The following SYNJ1 variants were observed in gnomAD, a reference collection of about 807,000 sequenced individuals.
SYNJ1 encodes polyphosphatidylinositol phosphatase SYNJ1.
A neutral mutation model predicts 168.2 loss-of-function variants in SYNJ1; 78 were observed. That is an observed-to-expected ratio of 0.46 (90% CI 0.39 to 0.56). The LOEUF (loss-of-function observed/expected upper bound fraction) is 0.56. Ranked by LOEUF, SYNJ1 falls within the 20% of genes least tolerant of loss-of-function variation. SYNJ1 has a pLI of 0.00. For synonymous variants in SYNJ1, 539 were observed against 548.6 expected (o/e 0.98, Z 0.24); for missense variants, 1,303 against 1,597.6 (o/e 0.82, Z 3.14).
intron 22 of SYNJ1, among the ~76,000 whole-genome samples, chr21:32,652,374 T>C (rs2040304597): frequency 6.6e-6 from 1 of 152,176 alleles, no homozygotes; most frequent in African/African-American, 2.4e-5. Flanking sequence ...CTACTTCTTG[T>C]ATTTTTAGTA....
Position 32,699,825 on chromosome 21 carries a change from A to T in SYNJ1, c.479+13T>A, listed in dbSNP as rs1684291610. ...TATGTCCCAAATCACCAAAAGGGAAAAAATGAACTCACCAGAAAAATCTAT... is the reference window on the plus strand; with the variant it reads ...TATGTCCCAAATCACCAAAAGGGAATAAATGAACTCACCAGAAAAATCTAT... On this transcript the variant is annotated intron_variant, in intron 4 of 32. Coordinates refer to ENST00000674351, the MANE Select transcript of SYNJ1 (RefSeq NM_203446.3). 1 of 1,603,192 alleles carries T rather than the reference A, an allele frequency of 6.2e-7. No homozygotes were observed. Among genetic ancestry groups the T allele is most frequent in the Non-Finnish European group, 8.5e-7 (1 of 1,174,796 alleles).
intron 22 of SYNJ1, among the ~76,000 whole-genome samples, chr21:32,651,316 T>C (rs62214741): frequency 6.2e-4 from 94 of 152,352 alleles, no homozygotes; most frequent in Admixed American, 1.9e-3. Context: ...GTTGGCACCT[T>C]TGTGGGTACA....
At chr21:32,657,260 C>T in intron 19 of SYNJ1, 140 bp from the exon 20 acceptor site, 1 of 622,604 alleles carries the variant, frequency 1.6e-6, no homozygotes, top group Non-Finnish European at 2.8e-6. Context: ...AATAGGCAGG[C>T]AGTCTAAATA....
At chr21:32,707,743 T>C (rs1017952732) in intron 2 of SYNJ1, among the ~76,000 whole-genome samples, 2 of 152,188 alleles carry the variant, frequency 1.3e-5, no homozygotes, top group Non-Finnish European at 2.9e-5. Flanking sequence ...AATGGAAAGG[T>C]TGTGCATTAA....
intron 31 of SYNJ1, among the ~76,000 whole-genome samples, chr21:32,636,097 G>A (rs1401682007): frequency 6.6e-6 from 1 of 152,158 alleles, no homozygotes; most frequent in African/African-American, 2.4e-5. Flanking sequence ...GTGGACAGGA[G>A]ATCAGGAATA....
In SYNJ1 at chr21:32,699,880, T is replaced by A; in HGVS notation, c.437A>T (p.His146Leu). The change falls in exon 4 of 33, where the codon CAT (histidine) becomes CTT (leucine). Residue 146 changes from histidine (H) to leucine (L), a missense_variant. Transcript: ENST00000674351. ...GISLDLSLNAHRSMQEQTTDN... is the reference protein window; with the variant it reads ...GISLDLSLNALRSMQEQTTDN... ...AGTTGTCTGTTCTTGCATGCTACGA[T>A]GCGCATTAAGACTCAAATCTAAACT... 1 of 1,614,122 alleles carries A rather than the reference T, an allele frequency of 6.2e-7. No individual in the cohort carries two copies. The highest frequency in any genetic ancestry group is 8.5e-7 in the Non-Finnish European group (1 of 1,180,004).
At chr21:32,633,292 C>A (rs780484978) in intron 32 of SYNJ1, among the ~76,000 whole-genome samples, 2 of 152,092 alleles carry the variant, frequency 1.3e-5, no homozygotes, top group African/African-American at 4.8e-5. Context: ...TTCACTCCTG[C>A]CCTAAATCCC....
upstream of SYNJ1, chr21:32,728,156 C>A: frequency 7.9e-7 from 1 of 1,270,844 alleles, no homozygotes; most frequent in Non-Finnish European, 1.0e-6. Flanking sequence ...GCGGGCGGCC[C>A]CAGCCTCAGT....
In SYNJ1 at chr21:32,666,461, T is replaced by TA; in HGVS notation, c.1923dup (p.Ile642TyrfsTer15). On this transcript the variant is annotated frameshift_variant, in exon 16 of 33. Transcript: ENST00000674351. LOFTEE classifies it high-confidence loss of function. Reference sequence around the variant, plus strand: ...ATAAAAGGAGCATGCTGTGGTCTGATAAAAACAAACAAACAGACGCCCACC... The same window carrying TA: ...ATAAAAGGAGCATGCTGTGGTCTGATAAAAAACAAACAAACAGACGCCCACC... 6.2e-7 allele frequency: 1 copy of TA among 1,614,056 alleles called. No individual in the cohort carries two copies. The highest frequency in any genetic ancestry group is 8.5e-7 in the Non-Finnish European group (1 of 1,179,970).
chr21:32,725,584 T>C (rs541087470), intron 2 of SYNJ1, among the ~76,000 whole-genome samples: 1 of 152,216 alleles, frequency 6.6e-6, no homozygotes, highest in East Asian at 1.9e-4. Flanking sequence ...CCCATCAAGA[T>C]GCAATTATAC....
chr21:32,689,033 TAAAC>T (rs1003169747), intron 6 of SYNJ1, among the ~76,000 whole-genome samples: 5 of 152,220 alleles, frequency 3.3e-5, no homozygotes, highest in Admixed American at 6.5e-5. Flanking sequence ...TTAAGCAAAT[TAAAC>T]AAGATGGAAA....
rs978725590 is a variant in SYNJ1, at chr21:32,727,957, GCTC to G, written c.-37_-35del. The G allele has an allele frequency of 2.6e-6, 4 of 1,533,640 alleles. No individual in the cohort carries two copies. The highest frequency in any genetic ancestry group is 4.9e-5 in the East Asian group (2 of 40,602). On this transcript the variant is annotated 5_prime_UTR_variant, in exon 1 of 33. Transcript: ENST00000674351. ...GCCGGCTTGCTCACCTCTTCCTCCGGCTCCTCCTCCTCCTTCTCCCGCAGCCGC... is the reference window on the plus strand; with the variant it reads ...GCCGGCTTGCTCACCTCTTCCTCCGGCTCCTCCTCCTTCTCCCGCAGCCGC...
intron 21 of SYNJ1, among the ~76,000 whole-genome samples, chr21:32,654,257 A>T (rs2040381500): frequency 6.6e-6 from 1 of 152,172 alleles, no homozygotes; most frequent in Admixed American, 6.5e-5. Context: ...ATGAATATTA[A>T]GAGGAAAAGG....
chr21:32,713,001 A>G (rs1208373887), intron 2 of SYNJ1, among the ~76,000 whole-genome samples: 1 of 152,262 alleles, frequency 6.6e-6, no homozygotes, highest in Non-Finnish European at 1.5e-5. Context: ...TGTGTCATTT[A>G]TAATAGCAAA....
At chr21:32,697,462 A>G (rs1601459315) in intron 4 of SYNJ1, among the ~76,000 whole-genome samples, 1 of 151,102 alleles carries the variant, frequency 6.6e-6, no homozygotes. Flanking sequence ...GCTTTCTTTT[A>G]TCTGACTTTG....
intron 2 of SYNJ1, among the ~76,000 whole-genome samples, chr21:32,722,894 G>A (rs1024757890): frequency 8.5e-5 from 13 of 152,120 alleles, no homozygotes; most frequent in African/African-American, 2.9e-4. Flanking sequence ...AAAGACAACA[G>A]CACCAAAATT....
chr21:32,643,451 C>T lies in SYNJ1; in HGVS notation c.3437G>A (p.Gly1146Glu). ...AGCTACCCCAGGACTGGGAGGGGCT[C>T]CAATACCTTTTTAGAGAAAGAACAG... The part of the protein sequence containing the change: ...APTRKEFGGI[G>E]APPSPGVARR... The change falls in exon 27 of 33, where the codon GGA (glycine) becomes GAA (glutamate). Residue 1146 changes from glycine to glutamate, a missense_variant. Around this residue, in one of 2 missense-constraint regions of SYNJ1, gnomAD observed 383 missense variants for 388.8 expected, o/e 0.99. Transcript: ENST00000674351. The T allele has an allele frequency of 6.2e-7, 1 of 1,613,626 alleles. No homozygotes were observed. The highest frequency in any genetic ancestry group is 8.5e-7 in the Non-Finnish European group (1 of 1,179,738).
intron 27 of SYNJ1, among the ~76,000 whole-genome samples, chr21:32,642,425 A>AAT (rs201425278): frequency 8.0e-4 from 2 of 2,494 alleles, no homozygotes; most frequent in African/African-American, 8.5e-3. Flanking sequence ...TCCCCATAGA[A>AAT]CTCTCTCGTG....
intron 2 of SYNJ1, among the ~76,000 whole-genome samples, chr21:32,703,530 A>C (rs1453331603): frequency 6.6e-6 from 1 of 152,180 alleles, no homozygotes; most frequent in African/African-American, 2.4e-5. Flanking sequence ...GACTTGTTAT[A>C]CCTCTCAGGA....
Sources: allele counts gnomAD v4.1 joint callset (sites outside exome capture counted in the v4.1 genomes callset), GRCh38; gene constraint gnomAD v4.1.1; regional missense constraint gnomAD v4.1.1; transcripts MANE v1.5; gene names NCBI Gene and HGNC (gene_info 2026-07-23, HGNC 2026-07-21).